Variants in ZNF487 observed in about 807,000 individuals in gnomAD.
ZNF487 encodes the protein zinc finger protein 487, also known as KRAB domain only 1.
ZNF487 carries 4 observed loss-of-function variants against 3.0 expected under a neutral mutation model. That is an observed-to-expected ratio of 1.35 (90% confidence interval 0.66 to 3.08). The LOEUF (loss-of-function observed/expected upper bound fraction) is 3.08. Among genes scored for constraint, ZNF487 ranks in the 30% most tolerant of loss-of-function variants. The pLI is 0.01. For synonymous variants in ZNF487, 55 were observed against 34.6 expected (o/e 1.59, Z -2.06); for missense variants, 146 against 98.7 (o/e 1.48, Z -2.03).
intron 1 of ZNF487, among the ~76,000 whole-genome samples, chr10:43,455,486 G>C (rs1395744205): frequency 6.6e-6 from 1 of 152,248 alleles, no homozygotes; most frequent in African/African-American, 2.4e-5. Context: ...TGCCTGCCGT[G>C]CAGGCGTCCT....
At chr10:43,475,975 CT>C in intron 2 of ZNF487, 128 bp downstream of exon 2, 1 of 663,918 alleles carries the variant, frequency 1.5e-6, no homozygotes, top group Admixed American at 2.3e-5. Context: ...TGATTGATCC[CT>C]TCTGGGCACT....
the ZNF487 span, among the ~76,000 whole-genome samples, chr10:43,494,430 C>G: frequency 6.6e-6 from 1 of 152,094 alleles, no homozygotes; most frequent in African/African-American, 2.4e-5. Context: ...CAACTCCTGC[C>G]GGTTCTTACA....
chr10:43,441,448 G>T (rs1321885441), intron 1 of ZNF487, among the ~76,000 whole-genome samples: 1 of 151,870 alleles, frequency 6.6e-6, no homozygotes, highest in African/African-American at 2.4e-5. Context: ...TGTATTTTTA[G>T]TAGAGACGGG....
chr10:43,441,546 C>T (rs1294187898), intron 1 of ZNF487, among the ~76,000 whole-genome samples: 1 of 151,860 alleles, frequency 6.6e-6, no homozygotes, highest in Non-Finnish European at 1.5e-5. Flanking sequence ...GGATTACAGG[C>T]ATGAGCCACC....
At chr10:43,496,334 T>G in the ZNF487 span, among the ~76,000 whole-genome samples, 6 of 152,308 alleles carry the variant, frequency 3.9e-5, no homozygotes, top group African/African-American at 1.4e-4. Context: ...GTGAAAAGCT[T>G]AAGTGGAACT....
At chr10:43,491,687 A>G in the ZNF487 span, among the ~76,000 whole-genome samples, 4,264 of 151,840 alleles carry the variant, frequency 0.028, 104 homozygotes, top group South Asian at 0.041. Flanking sequence ...GCTCATAAAG[A>G]AACTCTGGGA....
intron 1 of ZNF487, among the ~76,000 whole-genome samples, chr10:43,441,029 G>C (rs958862209): frequency 1.4e-5 from 1 of 71,480 alleles, no homozygotes; most frequent in Admixed American, 1.9e-4. Context: ...ACCACACCTG[G>C]TTAAATTTTT....
At chr10:43,502,380 C>T in the ZNF487 span, among the ~76,000 whole-genome samples, 6 of 150,684 alleles carry the variant, frequency 4.0e-5, no homozygotes, top group Non-Finnish European at 2.9e-5. Context: ...TGGGGCCTGT[C>T]GTGGGGTGGG....
downstream of ZNF487, among the ~76,000 whole-genome samples, chr10:43,483,886 CTG>C (rs1479353234): frequency 2.6e-5 from 4 of 151,886 alleles, no homozygotes; most frequent in African/African-American, 4.8e-5. Context: ...GAGTCTCACT[CTG>C]TTGCCAAGGC....
chr10:43,509,111 T>C, the ZNF487 span, among the ~76,000 whole-genome samples: 1 of 151,864 alleles, frequency 6.6e-6, no homozygotes. Context: ...TGAGAATCAC[T>C]TGAACACAGG....
rs1320273537 is a variant in ZNF487 at position 43,483,092 on chromosome 10, G to A, written c.*1170G>A. 6.6e-6 allele frequency: 3 copies of A among 456,840 alleles called. No individual in the cohort carries two copies. The highest frequency in any genetic ancestry group is 6.0e-5 in the African/African-American group (3 of 50,088). The allele number at this position is 456,840 out of a possible 1,614,324, so 28.3% of individuals were successfully genotyped here. A position where few individuals can be genotyped will look rare whatever the true frequency, so the allele number is the denominator to read the frequency against. ...CCCTTGTCAACATCCTGAAGGCTCA[G>A]AAACCTTCACCTTCTTGGACTCGTT... On this transcript the variant is annotated 3_prime_UTR_variant, in exon 4 of 4. Coordinates refer to ENST00000437590, the MANE Select transcript of ZNF487 (RefSeq NM_001355444.3).
the ZNF487 span, among the ~76,000 whole-genome samples, chr10:43,500,869 AATATGGAG>A: frequency 2.0e-5 from 3 of 152,144 alleles, no homozygotes; most frequent in African/African-American, 7.2e-5. Flanking sequence ...AGGAAACATA[AATATGGAG>A]ATAGGGAACA....
chr10:43,487,392 G>A (rs1466621693), downstream of ZNF487, among the ~76,000 whole-genome samples: 10 of 151,452 alleles, frequency 6.6e-5, no homozygotes, highest in African/African-American at 2.4e-4. Flanking sequence ...GCCTGCCTCC[G>A]CCTCCCAAAG....
At chr10:43,468,805 C>T (rs370727328) in intron 1 of ZNF487, among the ~76,000 whole-genome samples, 11 of 150,102 alleles carry the variant, frequency 7.3e-5, no homozygotes, top group African/African-American at 1.7e-4. Flanking sequence ...TTGGCTAACG[C>T]GGTGAAACCC....
At chr10:43,508,908 G>A in the ZNF487 span, among the ~76,000 whole-genome samples, 4 of 150,252 alleles carry the variant, frequency 2.7e-5, no homozygotes, top group African/African-American at 7.3e-5. Flanking sequence ...AATTAAAACA[G>A]GGCCTTCAAG....
At chr10:43,443,415 C>G (rs1246763497) in intron 1 of ZNF487, among the ~76,000 whole-genome samples, 2 of 143,362 alleles carry the variant, frequency 1.4e-5, no homozygotes, top group Non-Finnish European at 3.1e-5. Context: ...GCTCTGTCAC[C>G]CAGGCTGGAG....
chr10:43,446,935 C>G, intron 1 of ZNF487, among the ~76,000 whole-genome samples: 1 of 152,080 alleles, frequency 6.6e-6, no homozygotes, highest in East Asian at 1.9e-4. Flanking sequence ...ACTCTGTCTG[C>G]AATCCCGGCA....
At chr10:43,441,556 C>T (rs1024450278) in intron 1 of ZNF487, among the ~76,000 whole-genome samples, 20 of 152,002 alleles carry the variant, frequency 1.3e-4, no homozygotes, top group East Asian at 3.9e-4. Flanking sequence ...CATGAGCCAC[C>T]GCGCCTGGCC....
intron 1 of ZNF487, among the ~76,000 whole-genome samples, chr10:43,447,985 A>AC (rs777272822): frequency 6.2e-4 from 62 of 100,146 alleles, no homozygotes; most frequent in Middle Eastern, 0.015. Context: ...CTTGGAAACC[A>AC]TTTTTTTTTT....
Sources: allele counts gnomAD v4.1 joint callset (sites outside exome capture counted in the v4.1 genomes callset), GRCh38; gene constraint gnomAD v4.1.1; transcripts MANE v1.5; gene names NCBI Gene and HGNC (gene_info 2026-07-23, HGNC 2026-07-21).